NAALADL2: variants seen among roughly 807,000 people sequenced by gnomAD.
NAALADL2 encodes the protein inactive N-acetylated-alpha-linked acidic dipeptidase-like protein 2.
In NAALADL2, 76 loss-of-function variants were observed where a neutral mutation model predicts 87.2. The ratio of observed to expected loss-of-function variants is 0.87; its 90% CI spans 0.72 to 1.05. NAALADL2 has a LOEUF of 1.05. Among genes scored for constraint, NAALADL2 ranks in the 50% least tolerant of loss-of-function variants. The pLI, the probability that NAALADL2 is intolerant of heterozygous loss-of-function variation, is 0.00. For synonymous variants in NAALADL2, 354 were observed against 331.0 expected (o/e 1.07, Z -0.75); for missense variants, 1,089 against 945.8 (o/e 1.15, Z -1.99).
chr3:175,303,117 CAT>C (rs1321564914), intron 4 of NAALADL2, among the ~76,000 whole-genome samples: 1 of 152,058 alleles, frequency 6.6e-6, no homozygotes, highest in Non-Finnish European at 1.5e-5. Context: ...ACTGAAAAGA[CAT>C]GAGATTTGAA....
chr3:175,188,873 A>C (rs1737736533), intron 2 of NAALADL2, among the ~76,000 whole-genome samples: 1 of 151,860 alleles, frequency 6.6e-6, no homozygotes, highest in Admixed American at 6.6e-5. Context: ...AACTGTAGCT[A>C]TGCCCTGATC....
intron 2 of NAALADL2, among the ~76,000 whole-genome samples, chr3:174,703,750 G>A (rs1729795908): frequency 6.6e-6 from 1 of 152,104 alleles, no homozygotes; most frequent in Non-Finnish European, 1.5e-5. Context: ...CAAGACAGGG[G>A]ACCGAGTTTC....
intron 1 of NAALADL2, among the ~76,000 whole-genome samples, chr3:174,982,042 T>C (rs1745192335): frequency 6.6e-6 from 1 of 152,166 alleles, no homozygotes; most frequent in African/African-American, 2.4e-5. Flanking sequence ...AAGTCTAGAT[T>C]TTTAGTCAAA....
chr3:174,801,905 C>T (rs929895606), intron 3 of NAALADL2, among the ~76,000 whole-genome samples: 1 of 151,838 alleles, frequency 6.6e-6, no homozygotes, highest in African/African-American at 2.4e-5. Context: ...TCTGATGTTA[C>T]TAATGGATTG....
intron 3 of NAALADL2, among the ~76,000 whole-genome samples, chr3:175,255,069 C>T (rs916767291): frequency 4.6e-5 from 7 of 152,134 alleles, no homozygotes; most frequent in African/African-American, 1.7e-4. Context: ...AACTGGCAGA[C>T]ATGTCTAGTG....
chr3:175,650,235 T>A (rs1434179805), intron 11 of NAALADL2, among the ~76,000 whole-genome samples: 1 of 152,174 alleles, frequency 6.6e-6, no homozygotes, highest in Non-Finnish European at 1.5e-5. Flanking sequence ...ACATATTGAA[T>A]GATTGGATTT....
intron 1 of NAALADL2, among the ~76,000 whole-genome samples, chr3:174,903,303 C>T (rs551759653): frequency 4.9e-4 from 74 of 152,084 alleles, no homozygotes; most frequent in Admixed American, 3.7e-3. Context: ...AATAAGAAGA[C>T]GCAATAATCT....
At chr3:174,836,336 A>G (rs569194277) in intron 3 of NAALADL2, among the ~76,000 whole-genome samples, 11 of 152,230 alleles carry the variant, frequency 7.2e-5, no homozygotes, top group African/African-American at 2.2e-4. Flanking sequence ...GAGGGAAGGG[A>G]AAAATGGTGA....
At chr3:175,727,180 G>T (rs1276656418) in intron 11 of NAALADL2, among the ~76,000 whole-genome samples, 1 of 152,074 alleles carries the variant, frequency 6.6e-6, no homozygotes, top group Non-Finnish European at 1.5e-5. Context: ...GGGAAGGCAT[G>T]CTCCAGGCTG....
chr3:175,693,887 G>A (rs891767600), intron 11 of NAALADL2, among the ~76,000 whole-genome samples: 9 of 151,984 alleles, frequency 5.9e-5, no homozygotes, highest in East Asian at 1.9e-4. Flanking sequence ...TTAGTACGTC[G>A]TTTCACCGTG....
At chr3:174,911,089 T>C (rs2108300534) in intron 1 of NAALADL2, among the ~76,000 whole-genome samples, 1 of 152,192 alleles carries the variant, frequency 6.6e-6, no homozygotes, top group East Asian at 1.9e-4. Flanking sequence ...GGAATTGCCA[T>C]CCCCCAAAAG....
intron 2 of NAALADL2, among the ~76,000 whole-genome samples, chr3:174,566,739 T>A (rs1714320338): frequency 6.6e-6 from 1 of 151,736 alleles, no homozygotes; most frequent in Admixed American, 6.6e-5. Flanking sequence ...TTCTGTTTAA[T>A]CTGTTTTTAA....
chr3:174,975,203 G>A (rs1366593736), intron 1 of NAALADL2, among the ~76,000 whole-genome samples: 1 of 152,120 alleles, frequency 6.6e-6, no homozygotes, highest in Non-Finnish European at 1.5e-5. Flanking sequence ...TAACAACTCT[G>A]TAAAGCTGAC....
At chr3:175,433,868 A>G (rs1718194021) in intron 5 of NAALADL2, among the ~76,000 whole-genome samples, 2 of 151,950 alleles carry the variant, frequency 1.3e-5, no homozygotes, top group Non-Finnish European at 2.9e-5. Context: ...TTCTGACTGG[A>G]GTTCTCTGTA....
chr3:174,808,211 G>A (rs1367905330), intron 3 of NAALADL2, among the ~76,000 whole-genome samples: 1 of 151,946 alleles, frequency 6.6e-6, no homozygotes, highest in East Asian at 1.9e-4. Context: ...TTGATGCTTA[G>A]GAAATAATAA....
chr3:174,470,571 T>C (rs1716835788), intron 1 of NAALADL2, among the ~76,000 whole-genome samples: 1 of 152,176 alleles, frequency 6.6e-6, no homozygotes, highest in Non-Finnish European at 1.5e-5. Flanking sequence ...TCTAGAATGG[T>C]ATTTCCTAGG....
intron 13 of NAALADL2, among the ~76,000 whole-genome samples, chr3:175,777,641 G>A (rs1434591181): frequency 6.6e-6 from 1 of 152,134 alleles, no homozygotes; most frequent in Non-Finnish European, 1.5e-5. Context: ...TGTGACTAGT[G>A]CTATGATAAA....
At chr3:175,611,876 A>T (rs1024736133) in intron 10 of NAALADL2, among the ~76,000 whole-genome samples, 7 of 152,194 alleles carry the variant, frequency 4.6e-5, no homozygotes, top group Non-Finnish European at 7.4e-5. Context: ...TTTAACAACT[A>T]TTCATTCAGT....
intron 1 of NAALADL2, among the ~76,000 whole-genome samples, chr3:174,866,235 A>T (rs1294149202): frequency 6.6e-6 from 1 of 151,846 alleles, no homozygotes; most frequent in Non-Finnish European, 1.5e-5. Flanking sequence ...TTATTAGAAA[A>T]CACTGAGCAT....
Sources: gnomAD v4.1 joint callset for allele counts (sites outside exome capture counted in the v4.1 genomes callset) on GRCh38, gnomAD v4.1.1 for gene constraint, MANE v1.5 for transcripts, NCBI Gene and HGNC (gene_info 2026-07-23, HGNC 2026-07-21) for gene names.